Variants in KCNN2 observed in about 807,000 individuals in gnomAD.
The protein encoded by KCNN2 is potassium calcium-activated channel subfamily N member 2, also known as small conductance calcium-activated potassium channel protein 2.
In KCNN2, 24 loss-of-function variants were observed where a neutral mutation model predicts 55.5. The observed-to-expected ratio is 0.43, with a 90% CI of 0.31 to 0.61. KCNN2 has a LOEUF of 0.61. KCNN2 is among the 20% of genes least tolerant of loss of function. The pLI is 0.08. For missense variants in KCNN2, 754 were observed against 853.6 expected (o/e 0.88, Z 1.45); for synonymous variants, 431 against 336.1 (o/e 1.28, Z -3.09).
At chr5:114,432,521 C>A (rs1659736984) in intron 3 of KCNN2, among the ~76,000 whole-genome samples, 1 of 152,172 alleles carries the variant, frequency 6.6e-6, no homozygotes, top group South Asian at 2.1e-4. Flanking sequence ...AGCGTGCTGG[C>A]AGTCCTCACA....
At chr5:114,153,184 C>T (rs1053404289) in intron 1 of KCNN2, among the ~76,000 whole-genome samples, 3 of 152,126 alleles carry the variant, frequency 2.0e-5, no homozygotes, top group Admixed American at 1.3e-4. Context: ...GTCAGAAGTT[C>T]AGAATATATT....
intron 1 of KCNN2, among the ~76,000 whole-genome samples, chr5:114,121,980 G>A (rs1259430109): frequency 6.6e-6 from 1 of 152,204 alleles, no homozygotes. Flanking sequence ...ATACAATTTT[G>A]AAGAGTAAAT....
intron 1 of KCNN2, among the ~76,000 whole-genome samples, chr5:114,120,171 T>C (rs961217024): frequency 1.3e-5 from 2 of 152,176 alleles, no homozygotes; most frequent in African/African-American, 4.8e-5. Flanking sequence ...TTCATTAAAT[T>C]ATACTTAAGT....
At chr5:114,486,637 C>T in intron 5 of KCNN2, 1 of 804,180 alleles carries the variant, frequency 1.2e-6, no homozygotes, top group Middle Eastern at 2.8e-4. Flanking sequence ...GCCAGAAATA[C>T]CAAGCAGGCT....
Position 114,116,773 on chromosome 5 carries a change from T to C in KCNN2, c.-271+60273T>C, listed in dbSNP as rs145883047. Among the ~76,000 whole-genome samples the C allele has an allele frequency of 3.9e-5, 6 of 152,282 alleles. No individual in the cohort carries two copies. The East Asian group carries it at 1.2e-3, about 29-fold the overall frequency. ...CATCCATTTTTGATTCTCTAGCAAG[T>C]TGTGGGAGACTTTGGTTTTGAACAA... is the stretch of plus-strand genomic sequence containing the variant. On this transcript the variant is annotated intron_variant, in intron 1 of 10. Transcript: ENST00000512097.
chr5:114,167,631 AT>A (rs1752943860), intron 1 of KCNN2, among the ~76,000 whole-genome samples: 1 of 152,122 alleles, frequency 6.6e-6, no homozygotes, highest in Non-Finnish European at 1.5e-5. Context: ...CTGTTTTGTT[AT>A]ATTTTGACCT....
rs536620145 is a variant in KCNN2, at chr5:114,137,524, G to T, written c.-271+81024G>T. On this transcript the variant is annotated intron_variant, in intron 1 of 10. Coordinates refer to the KCNN2 transcript ENST00000512097. The stretch of plus-strand genomic sequence containing the variant: ...CATTTGTGAGAAAGTTGCCAAAAAG[G>T]GCCTAAAAGTAAATTAAATAATAAA... 1.8e-4 allele frequency among the ~76,000 whole-genome samples: 27 copies of T among 152,084 alleles called. No individual in the cohort carries two copies. The South Asian group carries it at 4.8e-3, about 27-fold the overall frequency.
chr5:114,326,501 C>A (rs1435530515), intron 2 of KCNN2, among the ~76,000 whole-genome samples: 2 of 152,092 alleles, frequency 1.3e-5, no homozygotes, highest in Non-Finnish European at 2.9e-5. Context: ...ATAGGGAGTG[C>A]CATGGCCAGT....
intron 5 of KCNN2, among the ~76,000 whole-genome samples, chr5:114,483,785 C>T (rs1214251684): frequency 1.3e-5 from 2 of 150,454 alleles, no homozygotes; most frequent in African/African-American, 2.4e-5. Context: ...CCCCACTTTA[C>T]TTATTTTTTG....
chr5:114,280,140 T>C (rs1284948847), intron 2 of KCNN2, among the ~76,000 whole-genome samples: 4 of 152,228 alleles, frequency 2.6e-5, no homozygotes, highest in African/African-American at 9.6e-5. Flanking sequence ...CACTTTTTGA[T>C]GGGGGTGTTT....
chr5:114,198,204 T>G (rs923147488), intron 1 of KCNN2, among the ~76,000 whole-genome samples: 3 of 151,722 alleles, frequency 2.0e-5, no homozygotes, highest in Non-Finnish European at 4.4e-5. Context: ...GATAAATATC[T>G]TAGATAACAC....
At chr5:114,396,053 C>T (rs764950211) in intron 2 of KCNN2, among the ~76,000 whole-genome samples, 9 of 152,156 alleles carry the variant, frequency 5.9e-5, no homozygotes, top group African/African-American at 2.2e-4. Flanking sequence ...TTATTTCTTA[C>T]ATTCCTTGCC....
At chr5:114,390,366 A>G (rs1758417851) in intron 2 of KCNN2, among the ~76,000 whole-genome samples, 1 of 152,150 alleles carries the variant, frequency 6.6e-6, no homozygotes, top group Non-Finnish European at 1.5e-5. Context: ...AGGAACTTTG[A>G]ATTTCTCATT....
At chr5:114,172,653 A>G (rs1246641296) in intron 1 of KCNN2, among the ~76,000 whole-genome samples, 1 of 148,786 alleles carries the variant, frequency 6.7e-6, no homozygotes, top group African/African-American at 2.4e-5. Context: ...TATATAATAT[A>G]TATTATGTTG....
intron 1 of KCNN2, among the ~76,000 whole-genome samples, chr5:114,089,764 T>C (rs937157629): frequency 2.8e-4 from 42 of 152,196 alleles, no homozygotes; most frequent in Non-Finnish European, 5.4e-4. Context: ...TTTTAATCTG[T>C]AGCTTTTGTT....
rs562909418 is a variant in KCNN2 at position 114,117,838 on chromosome 5, C to T, written c.-271+61338C>T. On this transcript the variant is annotated intron_variant, in intron 1 of 10. Transcript: ENST00000512097. ...CTATCTCATTTAATCCCTTGATCTT[C>T]AGTCCAGTGCTCTACCTCTGAGCTG... Among the ~76,000 whole-genome samples the T allele has an allele frequency of 2.6e-4, 40 of 152,312 alleles. No homozygotes were observed. The South Asian group carries it at 8.1e-3, about 31-fold the overall frequency.
At chr5:114,178,485 T>C (rs1753179178) in intron 1 of KCNN2, among the ~76,000 whole-genome samples, 1 of 152,200 alleles carries the variant, frequency 6.6e-6, no homozygotes, top group South Asian at 2.1e-4. Flanking sequence ...TCAAAGCTGT[T>C]GGAAGATTAT....
intron 3 of KCNN2, among the ~76,000 whole-genome samples, chr5:114,437,439 TA>T (rs1319470747): frequency 1.3e-5 from 2 of 152,100 alleles, no homozygotes; most frequent in Non-Finnish European, 2.9e-5. Context: ...TGTAATCTAG[TA>T]GGGGAAAAAG....
intron 2 of KCNN2, among the ~76,000 whole-genome samples, chr5:114,314,295 T>C (rs1485663310): frequency 6.6e-6 from 1 of 152,154 alleles, no homozygotes; most frequent in South Asian, 2.1e-4. Context: ...GGAACATTTG[T>C]TTCAATTGAT....
Sources: gnomAD v4.1 joint callset for allele counts (sites outside exome capture counted in the v4.1 genomes callset) on GRCh38, gnomAD v4.1.1 for gene constraint, MANE v1.5 for transcripts, NCBI Gene and HGNC (gene_info 2026-07-23, HGNC 2026-07-21) for gene names.